FHOD3: variants seen among roughly 807,000 people sequenced by gnomAD.
FHOD3 encodes the protein formin homology 2 domain containing 3, also known as FH1/FH2 domain-containing protein 3.
A neutral mutation model predicts 173.0 loss-of-function variants in FHOD3; 90 were observed. That is an observed-to-expected ratio of 0.52 (90% confidence interval 0.44 to 0.62). The LOEUF is 0.62. Among genes scored for constraint, FHOD3 ranks in the 20% least tolerant of loss-of-function variants. The probability of loss-of-function intolerance (pLI) is 0.00; values close to 1 mark genes in which losing one functional copy is unlikely to be tolerated. For synonymous variants in FHOD3, 828 were observed against 823.0 expected (o/e 1.01, Z -0.10); for missense variants, 1,945 against 2,034.7 (o/e 0.96, Z 0.85).
chr18:36,409,929 T>A (rs992109663), intron 3 of FHOD3, among the ~76,000 whole-genome samples: 2 of 152,216 alleles, frequency 1.3e-5, no homozygotes, highest in Admixed American at 6.5e-5. Flanking sequence ...TGAGAGGAGA[T>A]GATCAGAAGA....
chr18:36,306,758 G>C (rs2092111132), intron 1 of FHOD3, among the ~76,000 whole-genome samples: 1 of 152,146 alleles, frequency 6.6e-6, no homozygotes, highest in Non-Finnish European at 1.5e-5. Context: ...CTGGCACATA[G>C]TGAGTGTACA....
chr18:36,619,059 A>C (rs1302995248), intron 9 of FHOD3, among the ~76,000 whole-genome samples: 1 of 152,146 alleles, frequency 6.6e-6, no homozygotes, highest in African/African-American at 2.4e-5. Flanking sequence ...TCTGGGACCC[A>C]AGGCTGCTTG....
chr18:36,726,563 T>C (rs2041082079), intron 19 of FHOD3, among the ~76,000 whole-genome samples: 1 of 152,190 alleles, frequency 6.6e-6, no homozygotes, highest in Admixed American at 6.6e-5. Context: ...GACCTCTGCT[T>C]TATATCCTCT....
chr18:36,477,176 C>T (rs911613700), intron 3 of FHOD3, among the ~76,000 whole-genome samples: 2 of 151,970 alleles, frequency 1.3e-5, no homozygotes, highest in Non-Finnish European at 2.9e-5. Context: ...GTGGGGTGTG[C>T]ACAAGGGTGG....
intron 17 of FHOD3, among the ~76,000 whole-genome samples, chr18:36,694,436 C>T (rs1167752668): frequency 5.9e-5 from 9 of 152,154 alleles, no homozygotes; most frequent in Non-Finnish European, 2.9e-5. Context: ...CGTGACATCC[C>T]GTTACTCCCG....
chr18:36,572,126 A>G (rs1295382369), intron 5 of FHOD3, among the ~76,000 whole-genome samples: 1 of 152,234 alleles, frequency 6.6e-6, no homozygotes, highest in Non-Finnish European at 1.5e-5. Flanking sequence ...GAGATGAAGA[A>G]ACTGAAGCAC....
At chr18:36,612,301 C>G (rs1294626717) in intron 9 of FHOD3, among the ~76,000 whole-genome samples, 1 of 152,198 alleles carries the variant, frequency 6.6e-6, no homozygotes, top group Non-Finnish European at 1.5e-5. Context: ...CCAGGAGAGT[C>G]TGATGCATAT....
chr18:36,693,087 C>A (rs1252530276), intron 16 of FHOD3, 122 bp from the exon 17 acceptor site: 2 of 978,120 alleles, frequency 2.0e-6, no homozygotes, highest in African/African-American at 3.2e-5. Flanking sequence ...CTCCAGCCAG[C>A]CCTGCACTGT....
chr18:36,686,165 C>T (rs1307873745), intron 15 of FHOD3, among the ~76,000 whole-genome samples: 2 of 152,064 alleles, frequency 1.3e-5, no homozygotes, highest in Admixed American at 6.5e-5. Context: ...ATGTTCATTA[C>T]AGCACTATTC....
rs573122363 is a variant in FHOD3 at position 36,481,002 on chromosome 18, T to C, written c.338-20930T>C. 1.1e-4 allele frequency among the ~76,000 whole-genome samples: 16 copies of C among 140,592 alleles called. 1 individual carries two copies. The highest frequency in any genetic ancestry group is 4.4e-4 in the African/African-American group (16 of 36,104). 92.2% of individuals were successfully genotyped at this position (140,592 alleles called of 152,430 possible). A position where few individuals can be genotyped will look rare whatever the true frequency, so the allele number is the denominator to read the frequency against. Reference sequence around the variant, plus strand: ...TTTTATGCAGTGCTGTAGGCCAGGCTGGGCATATTGGGAGGTGGTTTTTTT... The same window carrying C: ...TTTTATGCAGTGCTGTAGGCCAGGCCGGGCATATTGGGAGGTGGTTTTTTT... On this transcript the variant is annotated intron_variant, in intron 3 of 28. Transcript: ENST00000590592.
At chr18:36,350,505 A>G (rs574355102) in intron 1 of FHOD3, among the ~76,000 whole-genome samples, 2 of 152,328 alleles carry the variant, frequency 1.3e-5, no homozygotes, top group East Asian at 3.9e-4. Context: ...TGTCCTGGCC[A>G]CCAAACCTAG....
At chr18:36,541,262 A>AC (rs1199131530) in intron 5 of FHOD3, among the ~76,000 whole-genome samples, 13 of 150,456 alleles carry the variant, frequency 8.6e-5, no homozygotes, top group African/African-American at 3.2e-4. Flanking sequence ...AAAAAAAAAA[A>AC]AAAAAAAAAA....
chr18:36,633,510 A>C (rs1005349836), intron 10 of FHOD3, among the ~76,000 whole-genome samples: 1 of 152,160 alleles, frequency 6.6e-6, no homozygotes, highest in African/African-American at 2.4e-5. Context: ...ACAATTTTAC[A>C]TGTATTGTAA....
intron 14 of FHOD3, among the ~76,000 whole-genome samples, chr18:36,673,114 A>G (rs1431512129): frequency 6.6e-6 from 1 of 152,128 alleles, no homozygotes; most frequent in African/African-American, 2.4e-5. Context: ...TCAGCTTTTG[A>G]TCATCTGTCT....
In FHOD3 at chr18:36,683,620, A is replaced by G. The variant is rs571258328; in HGVS notation, c.1970+2050A>G. On this transcript the variant is annotated intron_variant, in intron 15 of 28. Coordinates refer to ENST00000590592, the MANE Select transcript of FHOD3 (RefSeq NM_001281740.3). ...TAGAAGTGTATGTCAAATCTGGACC[A>G]AAAGAACCCCAGAAGAAGTCCTCTT... Among the ~76,000 whole-genome samples, 22 of 152,330 alleles carry G rather than the reference A, an allele frequency of 1.4e-4. No individual in the cohort carries two copies. In the East Asian group the frequency reaches 3.5e-3, roughly 24 times the overall value.
intron 3 of FHOD3, among the ~76,000 whole-genome samples, chr18:36,443,927 A>G (rs979080694): frequency 1.2e-4 from 18 of 152,164 alleles, no homozygotes; most frequent in African/African-American, 1.2e-4. Flanking sequence ...TCAAATACAT[A>G]TATTTTCAGA....
In FHOD3 at chr18:36,450,487, A is replaced by ATTTT. The variant is rs1555710146; in HGVS notation, c.338-51445_338-51444insTTTT. 6.1e-3 allele frequency among the ~76,000 whole-genome samples: 921 copies of ATTTT among 149,780 alleles called. 14 individuals are homozygous for ATTTT. The highest frequency in any genetic ancestry group is 0.021 in the African/African-American group (854 of 40,344). ...TATTTATTTATTTATTTATTTATTT[A>ATTTT]ATTTTTAAAGAAAACTCCCTGAGGC... is the stretch of plus-strand genomic sequence containing the variant. On this transcript the variant is annotated intron_variant, in intron 3 of 28. Coordinates refer to ENST00000590592, the MANE Select transcript of FHOD3 (RefSeq NM_001281740.3).
intron 1 of FHOD3, among the ~76,000 whole-genome samples, chr18:36,306,942 A>G (rs543194): frequency 1 from 152,316 of 152,326 alleles, 76,153 homozygotes; most frequent in Non-Finnish European, 1. Context: ...GCCTTGGAGT[A>G]TAGCCTTTCC....
At chr18:36,573,934 G>C (rs748283737) in intron 5 of FHOD3, among the ~76,000 whole-genome samples, 1 of 152,080 alleles carries the variant, frequency 6.6e-6, no homozygotes, top group African/African-American at 2.4e-5. Flanking sequence ...AGAGGACTTC[G>C]AGGCTCTTAG....
Sources: gnomAD v4.1 joint callset for allele counts (sites outside exome capture counted in the v4.1 genomes callset) on GRCh38, gnomAD v4.1.1 for gene constraint, MANE v1.5 for transcripts, NCBI Gene and HGNC (gene_info 2026-07-23, HGNC 2026-07-21) for gene names.